Variants in MLLT3 observed in about 807,000 individuals in gnomAD.
MLLT3 encodes MLLT3 super elongation complex subunit, also known as protein AF-9.
A neutral mutation model predicts 53.2 loss-of-function variants in MLLT3; 4 were observed. The observed-to-expected ratio is 0.08, with a 90% confidence interval of 0.04 to 0.17. The LOEUF (loss-of-function observed/expected upper bound fraction) is 0.17, where lower values mean the gene tolerates loss of function less well. Ranked by LOEUF, MLLT3 falls within the 10% of genes least tolerant of loss-of-function variation. MLLT3 has a pLI of 1.00. For synonymous variants in MLLT3, 283 were observed against 230.6 expected (o/e 1.23, Z -2.06); for missense variants, 569 against 684.0 (o/e 0.83, Z 1.87).
At chr9:20,371,941 AG>A (rs1239464485) in intron 5 of MLLT3, among the ~76,000 whole-genome samples, 1 of 152,254 alleles carries the variant, frequency 6.6e-6, no homozygotes, top group Admixed American at 6.5e-5. Context: ...TCACAAGAGA[AG>A]ATCAAAATAT....
chr9:20,521,791 C>T (rs1818067289), intron 2 of MLLT3, among the ~76,000 whole-genome samples: 4 of 151,936 alleles, frequency 2.6e-5, no homozygotes, highest in Admixed American at 2.0e-4. Flanking sequence ...TTCGTGATGC[C>T]ATAAGCAATT....
At chr9:20,373,088 T>C (rs547424302) in intron 5 of MLLT3, among the ~76,000 whole-genome samples, 4 of 152,202 alleles carry the variant, frequency 2.6e-5, no homozygotes, top group South Asian at 2.1e-4. Flanking sequence ...TTGGTGAAGA[T>C]TGCTTAAACA....
intron 4 of MLLT3, among the ~76,000 whole-genome samples, chr9:20,416,941 C>T (rs906273264): frequency 2.6e-5 from 4 of 151,116 alleles, no homozygotes; most frequent in Non-Finnish European, 5.9e-5. Flanking sequence ...TCATGTAATA[C>T]ATGTAAAACA....
chr9:20,421,759 G>T (rs553060860), intron 4 of MLLT3, among the ~76,000 whole-genome samples: 1 of 152,166 alleles, frequency 6.6e-6, no homozygotes, highest in East Asian at 1.9e-4. Context: ...AAAGGAATAA[G>T]ATTAATGAGG....
At chr9:20,585,470 T>C (rs970398454) in intron 2 of MLLT3, among the ~76,000 whole-genome samples, 1 of 152,084 alleles carries the variant, frequency 6.6e-6, no homozygotes, top group African/African-American at 2.4e-5. Flanking sequence ...ACAGTAATAG[T>C]GTGTTTAGTT....
chr9:20,502,452 T>C (rs902980268), intron 2 of MLLT3: 1 of 152,390 alleles, frequency 6.6e-6, no homozygotes, highest in South Asian at 2.1e-4. Flanking sequence ...GACAACGTGA[T>C]CTTATACAGT....
At chr9:20,485,672 T>TA (rs1196729497) in intron 2 of MLLT3, among the ~76,000 whole-genome samples, 2 of 152,180 alleles carry the variant, frequency 1.3e-5, no homozygotes, top group African/African-American at 2.4e-5. Flanking sequence ...CAAGTTTTTT[T>TA]AAAAAATCAC....
At chr9:20,427,259 A>G (rs1433856589) in intron 4 of MLLT3, among the ~76,000 whole-genome samples, 1 of 152,000 alleles carries the variant, frequency 6.6e-6, no homozygotes. Flanking sequence ...TAAGAAATTA[A>G]TAAGAATGAC....
chr9:20,508,054 T>C (rs527959038), intron 2 of MLLT3, among the ~76,000 whole-genome samples: 1 of 152,356 alleles, frequency 6.6e-6, no homozygotes, highest in South Asian at 2.1e-4. Context: ...AAGGAGAGGT[T>C]CTATTTCAAT....
intron 2 of MLLT3, among the ~76,000 whole-genome samples, chr9:20,535,535 TG>T (rs1239026327): frequency 2.6e-5 from 4 of 151,990 alleles, no homozygotes; most frequent in Non-Finnish European, 5.9e-5. Flanking sequence ...AAAAAGGAAA[TG>T]CGCAACCAAA....
intron 2 of MLLT3, among the ~76,000 whole-genome samples, chr9:20,555,037 T>C (rs530465576): frequency 7.9e-5 from 12 of 152,288 alleles, no homozygotes; most frequent in Non-Finnish European, 1.5e-4. Context: ...CTAGACCAAG[T>C]AGTCAGCTGG....
At chr9:20,402,246 C>A (rs1396262398) in intron 5 of MLLT3, among the ~76,000 whole-genome samples, 1 of 152,082 alleles carries the variant, frequency 6.6e-6, no homozygotes. Flanking sequence ...ACTTTTCCAG[C>A]GGTAGTTTTA....
chr9:20,377,467 T>C (rs922565105), intron 5 of MLLT3, among the ~76,000 whole-genome samples: 2 of 151,740 alleles, frequency 1.3e-5, no homozygotes, highest in African/African-American at 4.8e-5. Context: ...ATAAAGTAAA[T>C]TAAATAGAAT....
chr9:20,395,705 A>C (rs1822304905), intron 5 of MLLT3, among the ~76,000 whole-genome samples: 1 of 152,192 alleles, frequency 6.6e-6, no homozygotes, highest in Admixed American at 6.5e-5. Context: ...TTCAGTAATA[A>C]TTAAAAGCTT....
At position 20,620,839 on chromosome 9, in the gene MLLT3, G is replaced by A. The variant is rs767433540; in HGVS notation, c.13-5C>T. On this transcript the variant is annotated splice_region_variant and splice_polypyrimidine_tract_variant and intron_variant, in intron 1 of 10. Transcript: ENST00000380338. This position sits in a 1 kb window ranked among gnomAD's most constrained non-coding sequence, Gnocchi z 6.1. The stretch of plus-strand genomic sequence containing the variant: ...CAGCTTCACCTGCACGGCACACTGC[G>A]GGCAGGGGGAGGAGAGACAGCCGTG... 3 of 1,614,080 alleles carry A rather than the reference G, an allele frequency of 1.9e-6. No individual in the cohort carries two copies. Among genetic ancestry groups the A allele is most frequent in the Non-Finnish European group, 2.5e-6 (3 of 1,180,002 alleles).
At chr9:20,581,435 C>A (rs935429959) in intron 2 of MLLT3, among the ~76,000 whole-genome samples, 6 of 152,148 alleles carry the variant, frequency 3.9e-5, no homozygotes, top group African/African-American at 1.4e-4. Flanking sequence ...TTTATCTTTT[C>A]ATTAAATCAG....
At chr9:20,377,148 C>T (rs1285732115) in intron 5 of MLLT3, among the ~76,000 whole-genome samples, 3 of 152,118 alleles carry the variant, frequency 2.0e-5, no homozygotes, top group Admixed American at 6.5e-5. Flanking sequence ...AAAAAAGTTT[C>T]CTGATAGAAC....
chr9:20,409,390 A>G (rs923102898), intron 5 of MLLT3, among the ~76,000 whole-genome samples: 1 of 152,228 alleles, frequency 6.6e-6, no homozygotes, highest in Non-Finnish European at 1.5e-5. Flanking sequence ...CAGGAATTAC[A>G]GAAGAGGTGA....
Position 20,343,214 on chromosome 9 carries a change from A to AAAAAAAAAAAAAAAAAAAAAATTT in MLLT3, c.*3228_*3229insAAATTTTTTTTTTTTTTTTTTTTT, listed in dbSNP as rs56934102. The AAAAAAAAAAAAAAAAAAAAAATTT allele has an allele frequency of 2.6e-5, 3 of 115,060 alleles. No individual in the cohort carries two copies. Among genetic ancestry groups the AAAAAAAAAAAAAAAAAAAAAATTT allele is most frequent in the African/African-American group, 1.3e-4 (2 of 14,930 alleles). The allele number at this position is 115,060 out of a possible 1,614,324, so 7.1% of individuals were successfully genotyped here. On this transcript the variant is annotated 3_prime_UTR_variant, in exon 11 of 11. Coordinates refer to ENST00000380338, the MANE Select transcript of MLLT3 (RefSeq NM_004529.4). ...AAAAAAAAAAAAAAAAAAAAAAAAA[A>AAAAAAAAAAAAAAAAAAAAAATTT]TTTTGAAGAAACTTTTTAGTGGAAG...
Sources: gnomAD v4.1 joint callset for allele counts (sites outside exome capture counted in the v4.1 genomes callset) on GRCh38, gnomAD v4.1.1 for gene constraint, Gnocchi (gnomAD v3.1) non-coding constraint, MANE v1.5 for transcripts, NCBI Gene and HGNC (gene_info 2026-07-23, HGNC 2026-07-21) for gene names.